The following CLEC18B variants were observed in gnomAD, a reference collection of about 807,000 sequenced individuals.
CLEC18B encodes C-type lectin domain family 18 member B.
In CLEC18B, 5 loss-of-function variants were observed where a neutral mutation model predicts 60.4. That is an observed-to-expected ratio of 0.08 (90% CI 0.04 to 0.17). The LOEUF is 0.17. Among genes scored for constraint, CLEC18B ranks in the 10% least tolerant of loss-of-function variants. The pLI is 1.00. For synonymous variants in CLEC18B, 16 were observed against 221.2 expected, an observed-to-expected ratio of 0.07 and a Z score of 8.23; for missense variants, 26 against 572.8, an observed-to-expected ratio of 0.05 and a Z score of 9.74.
intron 4 of CLEC18B, among the ~76,000 whole-genome samples, 190 bp downstream of exon 4, chr16:74,413,389 G>A (rs1278190956): frequency 1.3e-5 from 2 of 152,264 alleles, no homozygotes; most frequent in Non-Finnish European, 2.9e-5. Flanking sequence ...GACATCCGCA[G>A]AGCAGCACCT....
upstream of CLEC18B, chr16:74,421,785 A>C (rs2013698942): frequency 6.1e-6 from 1 of 164,072 alleles, no homozygotes; most frequent in Non-Finnish European, 1.3e-5. Flanking sequence ...GAACTGGGCA[A>C]GACCCCAGGG....
intron 2 of CLEC18B, among the ~76,000 whole-genome samples, chr16:74,418,895 G>T (rs2013546864): frequency 6.6e-6 from 1 of 151,194 alleles, no homozygotes; most frequent in African/African-American, 2.4e-5. Context: ...CCAGGTTCAA[G>T]CAATTCTCCT....
At position 74,413,669 on chromosome 16, in the gene CLEC18B, C is replaced by G. The variant is rs1196172455; in HGVS notation, c.464G>C (p.Trp155Ser). 6.2e-7 allele frequency: 1 copy of G among 1,613,874 alleles called. No individual in the cohort carries two copies. The highest frequency in any genetic ancestry group is 8.5e-7 in the Non-Finnish European group (1 of 1,179,892). ...ACAGCCCAGCTGGCTTGAGGTGGCC[C>G]ACACGAGCTACAGGAGACACAGGGG... is the stretch of plus-strand genomic sequence containing the variant. ...ATCTHYTQLVWATSSQLGCGR... is the reference protein window; with the variant it reads ...ATCTHYTQLVSATSSQLGCGR... Residue 155 changes from tryptophan (W) to serine (S), a missense_variant, in exon 4 of 12, where the codon TGG (tryptophan) becomes TCG (serine). Transcript: ENST00000682950.
chr16:74,412,934 G>A (rs2013243006), intron 5 of CLEC18B, 54 bp from the exon 6 acceptor site: 1 of 1,612,094 alleles, frequency 6.2e-7, no homozygotes, highest in South Asian at 1.1e-5. Context: ...AGCAGGCCGG[G>A]CAGGACCTCC....
chr16:74,423,410 C>T (rs1486678949), upstream of CLEC18B, among the ~76,000 whole-genome samples: 38 of 152,346 alleles, frequency 2.5e-4, no homozygotes, highest in African/African-American at 4.8e-4. Context: ...AGTCCCAGGC[C>T]GGGTGTGATG....
rs1477938192 is a variant in CLEC18B, at chr16:74,416,352, A to G, written c.456+1707T>C. The stretch of plus-strand genomic sequence containing the variant: ...GCACAGTTGGCGTAAGCACTTTGGC[A>G]GCACCTAGTTGTAGGGGCACATGTT... On this transcript the variant is annotated intron_variant, in intron 3 of 11. Coordinates refer to ENST00000682950, the MANE Select transcript of CLEC18B (RefSeq NM_001385193.1). Among the ~76,000 whole-genome samples, 98 of 151,976 alleles carry G rather than the reference A, an allele frequency of 6.4e-4. No homozygotes were observed. The South Asian group carries it at 7.3e-3, about 11-fold the overall frequency.
At chr16:74,418,781 C>T (rs1401669699) in intron 2 of CLEC18B, among the ~76,000 whole-genome samples, 1 of 151,736 alleles carries the variant, frequency 6.6e-6, no homozygotes, top group Non-Finnish European at 1.5e-5. Context: ...GCACAGCTGA[C>T]CCCGCCCCCT....
At chr16:74,423,351 G>C (rs1183161420), upstream of CLEC18B, among the ~76,000 whole-genome samples, 1 of 152,072 alleles carries the variant, frequency 6.6e-6, no homozygotes, top group Admixed American at 6.6e-5. Context: ...TGGGGATTAG[G>C]GTGGAGCAAC....
intron 2 of CLEC18B, among the ~76,000 whole-genome samples, chr16:74,419,961 G>T (rs566236066): frequency 3.4e-3 from 522 of 152,046 alleles, no homozygotes; most frequent in African/African-American, 0.012. Context: ...GGCTGGTGGG[G>T]AACTCTATAC....
chr16:74,421,549 G>C (rs1204762758), upstream of CLEC18B: 9 of 453,822 alleles, frequency 2.0e-5, no homozygotes, highest in African/African-American at 1.8e-4. Flanking sequence ...AGGCAGAGTG[G>C]CGTGCACTGC....
intron 10 of CLEC18B, among the ~76,000 whole-genome samples, chr16:74,410,277 C>T (rs573876288): frequency 1.3e-5 from 2 of 152,420 alleles, no homozygotes; most frequent in African/African-American, 4.8e-5. Context: ...GAGTCACAGC[C>T]AGGGGACACT....
upstream of CLEC18B, chr16:74,421,668 G>A (rs1385064099): frequency 2.7e-5 from 11 of 414,458 alleles, no homozygotes; most frequent in East Asian, 7.6e-4. Flanking sequence ...AGTGACCGAT[G>A]GCCGTGTCCT....
At chr16:74,414,619 C>A (rs1317388761) in intron 3 of CLEC18B, among the ~76,000 whole-genome samples, 1 of 133,106 alleles carries the variant, frequency 7.5e-6, no homozygotes, top group Non-Finnish European at 1.6e-5. Context: ...TCCCAGCCGG[C>A]CCCCTAGTTG....
upstream of CLEC18B, among the ~76,000 whole-genome samples, chr16:74,424,003 A>G (rs1270251405): frequency 1.3e-5 from 2 of 152,234 alleles, no homozygotes; most frequent in Non-Finnish European, 2.9e-5. Flanking sequence ...GGGCAGCCTC[A>G]TTCTTGCAAG....
chr16:74,420,406 AG>A (rs1389555897), intron 2 of CLEC18B, 94 bp downstream of exon 2: 1 of 639,946 alleles, frequency 1.6e-6, no homozygotes, highest in East Asian at 3.0e-5. Context: ...GTCAAGTGGA[AG>A]GGCACCTGGA....
intron 2 of CLEC18B, among the ~76,000 whole-genome samples, chr16:74,419,753 G>C (rs1025075650): frequency 2.0e-5 from 3 of 151,220 alleles, no homozygotes; most frequent in African/African-American, 7.3e-5. Context: ...ACTGACCCTA[G>C]AGTGTTCAAG....
chr16:74,409,662 G>C (rs773160309), intron 10 of CLEC18B, 21 bp from the exon 11 acceptor site: 1 of 1,614,074 alleles, frequency 6.2e-7, no homozygotes, highest in South Asian at 1.1e-5. Flanking sequence ...GGGTGTGGTG[G>C]TCAGGAGGCA....
intron 3 of CLEC18B, among the ~76,000 whole-genome samples, chr16:74,413,962 T>G (rs2013309565): frequency 6.6e-6 from 1 of 152,308 alleles, no homozygotes; most frequent in Non-Finnish European, 1.5e-5. Context: ...AACCTCTACC[T>G]CCTGGGTTCA....
At chr16:74,417,887 T>C (rs2013486192) in intron 3 of CLEC18B, among the ~76,000 whole-genome samples, 172 bp downstream of exon 3, 1 of 151,898 alleles carries the variant, frequency 6.6e-6, no homozygotes, top group South Asian at 2.1e-4. Context: ...CACTGCACTC[T>C]AGCCTGCGCA....
Sources: gnomAD v4.1 joint callset for allele counts (sites outside exome capture counted in the v4.1 genomes callset) on GRCh38, gnomAD v4.1.1 for gene constraint, MANE v1.5 for transcripts, NCBI Gene and HGNC (gene_info 2026-07-23, HGNC 2026-07-21) for gene names.